Variants in TMIGD3 observed in about 807,000 individuals in gnomAD.
TMIGD3 encodes the protein transmembrane and immunoglobulin domain containing 3.
Under a neutral mutation model 28.1 loss-of-function variants are expected in TMIGD3, and 21 were observed. The observed-to-expected ratio is 0.75, with a 90% CI of 0.53 to 1.08. TMIGD3 has a LOEUF of 1.08. TMIGD3 is among the 50% of genes least tolerant of loss of function. The probability of loss-of-function intolerance (pLI) is 0.00; values close to 1 mark genes in which losing one functional copy is unlikely to be tolerated. For missense variants in TMIGD3, 416 were observed against 435.6 expected, an observed-to-expected ratio of 0.96 and a Z score of 0.40; for synonymous variants, 151 against 162.1, an observed-to-expected ratio of 0.93 and a Z score of 0.52.
In TMIGD3 at chr1:111,552,854, G is replaced by C. The variant is rs11102306; in HGVS notation, c.107+10992C>G. On this transcript the variant is annotated intron_variant, in intron 1 of 5. Transcript: ENST00000369717. ...ATGAGGATTAAATGAGTTAACACTTGTCAAGTGATTAGTACTAGGCCTGCA... is the reference window on the plus strand; with the variant it reads ...ATGAGGATTAAATGAGTTAACACTTCTCAAGTGATTAGTACTAGGCCTGCA... 9.3e-3 allele frequency among the ~76,000 whole-genome samples: 1,416 copies of C among 152,300 alleles called. 17 individuals are homozygous for C. Among genetic ancestry groups the C allele is most frequent in the African/African-American group, 0.032 (1,315 of 41,546 alleles).
intron 1 of TMIGD3, among the ~76,000 whole-genome samples, chr1:111,526,116 T>A (rs1656252542): frequency 6.6e-6 from 1 of 152,200 alleles, no homozygotes. Context: ...CTTTATTTTT[T>A]AGAGGAGTCT....
chr1:111,562,144 T>C (rs916642150), intron 1 of TMIGD3, among the ~76,000 whole-genome samples: 8 of 152,188 alleles, frequency 5.3e-5, no homozygotes, highest in African/African-American at 1.7e-4. Flanking sequence ...GGTCTTTTCT[T>C]GTGGGCAACG....
chr1:111,504,129 C>A, upstream of TMIGD3: 1 of 985,388 alleles, frequency 1.0e-6, no homozygotes, highest in Non-Finnish European at 1.2e-6. Flanking sequence ...GATCCTTGGT[C>A]AAAGGGATAA....
At chr1:111,509,050 G>A (rs996045902) in intron 1 of TMIGD3, among the ~76,000 whole-genome samples, 1 of 152,150 alleles carries the variant, frequency 6.6e-6, no homozygotes, top group Non-Finnish European at 1.5e-5. Context: ...AGGTGAGATC[G>A]CACCACTGCA....
intron 1 of TMIGD3, among the ~76,000 whole-genome samples, chr1:111,523,038 G>C (rs1364633862): frequency 1.3e-5 from 2 of 152,166 alleles, no homozygotes; most frequent in African/African-American, 4.8e-5. Flanking sequence ...GAAATGGAGA[G>C]AGTGGCCATG....
At chr1:111,538,877 C>T (rs569730327) in intron 1 of TMIGD3, among the ~76,000 whole-genome samples, 1 of 152,270 alleles carries the variant, frequency 6.6e-6, no homozygotes, top group East Asian at 1.9e-4. Flanking sequence ...GTATAGTCAT[C>T]ACCTGGCAGT....
intron 3 of TMIGD3, among the ~76,000 whole-genome samples, chr1:111,488,422 C>T (rs532047169): frequency 1.3e-5 from 2 of 152,312 alleles, no homozygotes; most frequent in South Asian, 4.1e-4. Flanking sequence ...GTCCTTAAAC[C>T]AGATTGCTGT....
At chr1:111,493,559 ATTACC>A (rs1485200193) in intron 1 of TMIGD3, among the ~76,000 whole-genome samples, 1 of 152,184 alleles carries the variant, frequency 6.6e-6, no homozygotes, top group Non-Finnish European at 1.5e-5. Context: ...TTCTTCATAA[ATTACC>A]TGCCCTCAGG....
At chr1:111,526,964 GC>G (rs1337263294) in intron 1 of TMIGD3, among the ~76,000 whole-genome samples, 1 of 145,444 alleles carries the variant, frequency 6.9e-6, no homozygotes, top group East Asian at 2.1e-4. Flanking sequence ...TTTTAGATAG[GC>G]TTTTTTCAGT....
At position 111,489,061 on chromosome 1, in the gene TMIGD3, A is replaced by G. The variant is rs988977881; in HGVS notation, c.458-37T>C. Reference sequence around the variant, plus strand: ...CACACACACACGCACACGTGCACACACACACACCATTGTTCTCTCAAAACA... The same window carrying G: ...CACACACACACGCACACGTGCACACGCACACACCATTGTTCTCTCAAAACA... On this transcript the variant is annotated intron_variant, in intron 2 of 5. Transcript: ENST00000369716. 17 of 1,532,762 alleles carry G rather than the reference A, an allele frequency of 1.1e-5. No homozygotes were observed. In the African/African-American group the frequency reaches 2.2e-4, roughly 20 times the overall value. 94.9% of individuals were successfully genotyped at this position (1,532,762 alleles called of 1,614,324 possible).
intron 1 of TMIGD3, among the ~76,000 whole-genome samples, chr1:111,540,075 C>A (rs2786970): frequency 0.42 from 64,244 of 152,138 alleles, 14,743 homozygotes; most frequent in Admixed American, 0.56. Context: ...TAAATATTTT[C>A]ACTAAAATTT....
intron 1 of TMIGD3, among the ~76,000 whole-genome samples, chr1:111,549,881 A>AAACTG (rs1657192682): frequency 6.6e-6 from 1 of 152,084 alleles, no homozygotes; most frequent in Non-Finnish European, 1.5e-5. Context: ...TTAAACTCCT[A>AAACTG]GCCTCAAGTA....
intron 3 of TMIGD3, 149 bp from the exon 4 acceptor site, chr1:111,486,801 G>GTA (rs1654398752): frequency 1.4e-6 from 1 of 707,906 alleles, no homozygotes; most frequent in Admixed American, 2.1e-5. Context: ...ACGCGCAGTT[G>GTA]TATAAATGTG....
At chr1:111,514,643 AAC>A (rs113195244) in intron 1 of TMIGD3, among the ~76,000 whole-genome samples, 54 of 148,966 alleles carry the variant, frequency 3.6e-4, no homozygotes, top group African/African-American at 5.4e-4. Flanking sequence ...ACAGTATGGG[AAC>A]ACACACACAC....
chr1:111,531,812 A>G (rs1337452408), intron 1 of TMIGD3, among the ~76,000 whole-genome samples: 10 of 152,120 alleles, frequency 6.6e-5, no homozygotes, highest in Non-Finnish European at 1.3e-4. Flanking sequence ...TCTGCCTCCC[A>G]TGTAGCTGGG....
chr1:111,556,015 T>A (rs1432135888), intron 1 of TMIGD3, among the ~76,000 whole-genome samples: 1 of 152,190 alleles, frequency 6.6e-6, no homozygotes, highest in African/African-American at 2.4e-5. Context: ...AAATCATGTA[T>A]GTGATAAGGA....
upstream of TMIGD3, among the ~76,000 whole-genome samples, chr1:111,506,918 T>TAC (rs1307892883): frequency 1.7e-5 from 2 of 120,362 alleles, no homozygotes; most frequent in African/African-American, 7.1e-5. Flanking sequence ...ATATATTATA[T>TAC]ATATATATAC....
intron 1 of TMIGD3, among the ~76,000 whole-genome samples, chr1:111,533,930 A>G (rs972481445): frequency 6.6e-6 from 1 of 152,104 alleles, no homozygotes; most frequent in African/African-American, 2.4e-5. Flanking sequence ...CCCATTTACT[A>G]GTTGGGTGAC....
rs377261072 is a variant in TMIGD3 at position 111,500,522 on chromosome 1, G to C, written c.350+2483C>G. ...ACCAGCCAGCAAAGGCCCAGGGCCA[G>C]CCATATTCTTCTGTGAGTGGTGACC... is the stretch of plus-strand genomic sequence containing the variant. On this transcript the variant is annotated intron_variant, in intron 1 of 5. Coordinates refer to ENST00000369716, the MANE Select transcript of TMIGD3 (RefSeq NM_020683.7). 5 of 1,614,100 alleles carry C rather than the reference G, an allele frequency of 3.1e-6. No homozygotes were observed. In the African/African-American group the frequency reaches 6.7e-5, roughly 22 times the overall value.
Sources: gnomAD v4.1 joint callset for allele counts (sites outside exome capture counted in the v4.1 genomes callset) on GRCh38, gnomAD v4.1.1 for gene constraint, MANE v1.5 for transcripts, NCBI Gene and HGNC (gene_info 2026-07-23, HGNC 2026-07-21) for gene names.